The following PIK3AP1 variants were observed in gnomAD, a reference collection of about 807,000 sequenced individuals.
PIK3AP1 encodes phosphoinositide-3-kinase adaptor protein 1, also known as phosphoinositide 3-kinase adapter protein 1.
A neutral mutation model predicts 88.1 loss-of-function variants in PIK3AP1; 21 were observed. The ratio of observed to expected loss-of-function variants is 0.24; its 90% confidence interval spans 0.17 to 0.34. The LOEUF (loss-of-function observed/expected upper bound fraction) is 0.34, where lower values mean the gene tolerates loss of function less well. Ranked by LOEUF, PIK3AP1 falls within the 10% of genes least tolerant of loss-of-function variation. The probability of loss-of-function intolerance (pLI) is 1.00; values close to 1 mark genes in which losing one functional copy is unlikely to be tolerated. For missense variants in PIK3AP1, 828 were observed against 1,035.7 expected, an observed-to-expected ratio of 0.80 and a Z score of 2.75; for synonymous variants, 398 against 400.0, an observed-to-expected ratio of 1.00 and a Z score of 0.06.
Position 96,639,960 on chromosome 10 carries a change from A to T in PIK3AP1, c.1375+5513T>A, listed in dbSNP as rs1589506621. Among the ~76,000 whole-genome samples, 3 of 152,306 alleles carry T rather than the reference A, an allele frequency of 2.0e-5. No individual in the cohort carries two copies. The South Asian group carries it at 6.2e-4, about 32-fold the overall frequency. ...CAAGTGTGCCCCCAGCTCAGATGGA[A>T]CCCAGCTTGCAGAGAGGGGCTGTAA... On this transcript the variant is annotated intron_variant, in intron 8 of 16. Coordinates refer to ENST00000339364, the MANE Select transcript of PIK3AP1 (RefSeq NM_152309.3).
chr10:96,645,101 T>C (rs1220026782), intron 8 of PIK3AP1, among the ~76,000 whole-genome samples: 1 of 152,222 alleles, frequency 6.6e-6, no homozygotes, highest in African/African-American at 2.4e-5. Context: ...GAGAATTTTA[T>C]ATGTAGGTAG....
intron 9 of PIK3AP1, among the ~76,000 whole-genome samples, chr10:96,627,764 A>G (rs1208772793): frequency 6.6e-6 from 1 of 152,236 alleles, no homozygotes; most frequent in African/African-American, 2.4e-5. Flanking sequence ...ATAAATCTTC[A>G]TTAACTGCTT....
intron 2 of PIK3AP1, among the ~76,000 whole-genome samples, chr10:96,663,929 A>T (rs1291210837): frequency 6.6e-6 from 1 of 152,198 alleles, no homozygotes; most frequent in Non-Finnish European, 1.5e-5. Flanking sequence ...TACACCCAAT[A>T]AACTTTAAAC....
At chr10:96,703,402 C>A (rs990754395) in intron 2 of PIK3AP1, among the ~76,000 whole-genome samples, 10 of 152,100 alleles carry the variant, frequency 6.6e-5, no homozygotes, top group Non-Finnish European at 1.5e-4. Context: ...AAGAAGCAGA[C>A]AAGATCTCCA....
chr10:96,716,196 TG>T (rs1844500279), intron 1 of PIK3AP1, among the ~76,000 whole-genome samples: 1 of 151,944 alleles, frequency 6.6e-6, no homozygotes, highest in Non-Finnish European at 1.5e-5. Flanking sequence ...CCATGAGAAT[TG>T]TTTGAACCTG....
intron 3 of PIK3AP1, among the ~76,000 whole-genome samples, chr10:96,655,042 G>C (rs973887461): frequency 6.6e-6 from 1 of 152,168 alleles, no homozygotes; most frequent in Non-Finnish European, 1.5e-5. Context: ...AGATTTTTAT[G>C]CCTAACTTTT....
At chr10:96,644,335 C>T (rs906474815) in intron 8 of PIK3AP1, among the ~76,000 whole-genome samples, 1 of 152,046 alleles carries the variant, frequency 6.6e-6, no homozygotes, top group Non-Finnish European at 1.5e-5. Flanking sequence ...ATATTTATAC[C>T]TATGTGTATA....
intron 8 of PIK3AP1, among the ~76,000 whole-genome samples, chr10:96,640,606 T>G (rs1042844076): frequency 2.0e-5 from 3 of 152,166 alleles, no homozygotes; most frequent in Non-Finnish European, 4.4e-5. Context: ...AATAAAGACA[T>G]TTTATCTCTT....
intron 2 of PIK3AP1, among the ~76,000 whole-genome samples, chr10:96,705,746 C>A (rs1276821819): frequency 6.6e-6 from 1 of 151,852 alleles, no homozygotes; most frequent in Non-Finnish European, 1.5e-5. Context: ...CCATGCCCAG[C>A]TAATTTTTGT....
At chr10:96,630,093 T>C (rs1254801450) in intron 8 of PIK3AP1, among the ~76,000 whole-genome samples, 1 of 152,092 alleles carries the variant, frequency 6.6e-6, no homozygotes, top group African/African-American at 2.4e-5. Context: ...TATTTTAGCT[T>C]TTCAGCCTAT....
chr10:96,646,063 C>A (rs951740630), intron 7 of PIK3AP1, among the ~76,000 whole-genome samples: 4 of 152,152 alleles, frequency 2.6e-5, no homozygotes, highest in Admixed American at 2.6e-4. Flanking sequence ...AGTTCGAGAC[C>A]AGCCTGGCCA....
intron 2 of PIK3AP1, among the ~76,000 whole-genome samples, chr10:96,709,340 T>C (rs1844407839): frequency 6.6e-6 from 1 of 151,974 alleles, no homozygotes; most frequent in African/African-American, 2.4e-5. Flanking sequence ...AAGAAGGCCT[T>C]TGCCCTAGTA....
intron 6 of PIK3AP1, 37 bp downstream of exon 6, chr10:96,651,211 C>T: frequency 1.2e-6 from 2 of 1,613,582 alleles, no homozygotes; most frequent in Non-Finnish European, 1.7e-6. Context: ...CTAGAATCAG[C>T]CCACGTTGGT....
chr10:96,593,420 T>C lies in PIK3AP1; in HGVS notation c.*2157A>G, dbSNP rs1344847118. 1 of 152,270 alleles carries C rather than the reference T, an allele frequency of 6.6e-6. No homozygotes were observed. The highest frequency in any genetic ancestry group is 1.5e-5 in the Non-Finnish European group (1 of 68,050). The allele number at this position is 152,270 out of a possible 1,614,324, so 9.4% of individuals were successfully genotyped here. A position where few individuals can be genotyped will look rare whatever the true frequency, so the allele number is the denominator to read the frequency against. The stretch of plus-strand genomic sequence containing the variant: ...AACAGTGATGTGCATACAAAGATGC[T>C]AACAACATTGGCTGGTAATAGGCTT... On this transcript the variant is annotated 3_prime_UTR_variant, in exon 17 of 17. Transcript: ENST00000339364.
chr10:96,701,816 T>C (rs4917748), intron 2 of PIK3AP1, among the ~76,000 whole-genome samples: 76,328 of 152,058 alleles, frequency 0.5, 19,286 homozygotes, highest in Middle Eastern at 0.64. Context: ...CATGAAGCTG[T>C]ATGAACATTT....
At chr10:96,608,411 T>C (rs889373417) in intron 14 of PIK3AP1, among the ~76,000 whole-genome samples, 10 of 152,220 alleles carry the variant, frequency 6.6e-5, no homozygotes, top group African/African-American at 2.4e-4. Context: ...ACCCCCATTA[T>C]GTAAGAGGAA....
At chr10:96,681,986 A>G (rs536835485) in intron 2 of PIK3AP1, among the ~76,000 whole-genome samples, 144 of 107,892 alleles carry the variant, frequency 1.3e-3, no homozygotes, top group East Asian at 5.7e-4. Context: ...ACATAAATAT[A>G]TGTGTGTGTA....
chr10:96,689,298 C>A (rs1420903130), intron 2 of PIK3AP1, among the ~76,000 whole-genome samples: 1 of 151,948 alleles, frequency 6.6e-6, no homozygotes, highest in Non-Finnish European at 1.5e-5. Flanking sequence ...GGTGTGGTGG[C>A]TCACACCTGT....
At chr10:96,699,471 T>C (rs1307131154) in intron 2 of PIK3AP1, among the ~76,000 whole-genome samples, 2 of 152,228 alleles carry the variant, frequency 1.3e-5, no homozygotes, top group Non-Finnish European at 2.9e-5. Flanking sequence ...CTTGTTTCTT[T>C]TTACTTTTTT....
Sources: allele counts gnomAD v4.1 joint callset (sites outside exome capture counted in the v4.1 genomes callset), GRCh38; gene constraint gnomAD v4.1.1; transcripts MANE v1.5; gene names NCBI Gene and HGNC (gene_info 2026-07-23, HGNC 2026-07-21).